GARNL3: variants seen among roughly 807,000 people sequenced by gnomAD.
The protein encoded by GARNL3 is GTPase-activating Rap/Ran-GAP domain-like protein 3.
A neutral mutation model predicts 125.0 loss-of-function variants in GARNL3; 63 were observed. The observed-to-expected ratio is 0.50, with a 90% CI of 0.41 to 0.62. The LOEUF (loss-of-function observed/expected upper bound fraction) is 0.62. Ranked by LOEUF, GARNL3 falls within the 20% of genes least tolerant of loss-of-function variation. The pLI, the probability that GARNL3 is intolerant of heterozygous loss-of-function variation, is 0.00. For missense variants in GARNL3, 994 were observed against 1,244.0 expected, an observed-to-expected ratio of 0.80 and a Z score of 3.02; for synonymous variants, 439 against 457.5, an observed-to-expected ratio of 0.96 and a Z score of 0.52.
chr9:127,225,649 G>A (rs1176180457), intron 1 of GARNL3, among the ~76,000 whole-genome samples: 1 of 151,940 alleles, frequency 6.6e-6, no homozygotes, highest in African/African-American at 2.4e-5. Flanking sequence ...CCGCACGCCC[G>A]CGGCTTCGGC....
chr9:127,391,533 A>AAAAAAAAAAAAAAAAAAAAAT, intron 27 of GARNL3, among the ~76,000 whole-genome samples: 2 of 75,870 alleles, frequency 2.6e-5, no homozygotes, highest in African/African-American at 7.8e-5. Flanking sequence ...ACAAAAAAAA[A>AAAAAAAAAAAAAAAAAAAAAT]ATATATATAT....
At chr9:127,354,179 C>T (rs1830559455) in intron 18 of GARNL3, 115 bp from the exon 19 acceptor site, 1 of 784,418 alleles carries the variant, frequency 1.3e-6, no homozygotes, top group Non-Finnish European at 2.1e-6. Context: ...GGGGTGCCTC[C>T]TGAATTCCAG....
At chr9:127,334,937 C>A (rs1295469165) in intron 9 of GARNL3, among the ~76,000 whole-genome samples, 2 of 152,224 alleles carry the variant, frequency 1.3e-5, no homozygotes, top group Non-Finnish European at 2.9e-5. Flanking sequence ...CCTCCCACAG[C>A]AACTGCAAGG....
intron 1 of GARNL3, among the ~76,000 whole-genome samples, chr9:127,238,766 G>T (rs1362773751): frequency 7.2e-6 from 1 of 138,490 alleles, no homozygotes; most frequent in Non-Finnish European, 1.5e-5. Flanking sequence ...TCTGCTCCCT[G>T]TGGAAACCTG....
rs1361504797 is a variant in GARNL3, at chr9:127,354,308, C to T, written c.1657C>T (p.Leu553Phe). 1 of 1,612,984 alleles carries T rather than the reference C, an allele frequency of 6.2e-7. No homozygotes were observed. Among genetic ancestry groups the T allele is most frequent in the Admixed American group, 1.7e-5 (1 of 59,958 alleles). Residue 553 changes from leucine to phenylalanine, a missense_variant, in exon 19 of 28, where the codon CTC (leucine) becomes TTC (phenylalanine). Physicochemically the swap from Leu to Phe is conservative, Grantham distance 22. Coordinates refer to ENST00000373387, the MANE Select transcript of GARNL3 (RefSeq NM_032293.5). ...TATGTCACCAGGAAAAGATGCTCGCCTCTTTGTCTTCAGGCTAAGTGCTCT... is the reference window on the plus strand; with the variant it reads ...TATGTCACCAGGAAAAGATGCTCGCTTCTTTGTCTTCAGGCTAAGTGCTCT... Reference protein sequence around the residue: ...LRADKGKDARLFVFRLSALQK... With the variant: ...LRADKGKDARFFVFRLSALQK...
At chr9:127,227,627 C>T (rs544087290) in intron 1 of GARNL3, among the ~76,000 whole-genome samples, 5 of 149,636 alleles carry the variant, frequency 3.3e-5, no homozygotes, top group African/African-American at 1.2e-4. Context: ...AAAAAAAAAA[C>T]CTAATTTGTG....
intron 3 of GARNL3, among the ~76,000 whole-genome samples, chr9:127,313,157 A>C (rs925313954): frequency 3.3e-5 from 5 of 152,150 alleles, no homozygotes; most frequent in Non-Finnish European, 5.9e-5. Flanking sequence ...AGGAAGAAGA[A>C]GACGGTATTT....
At chr9:127,282,387 C>T (rs2064128467) in intron 1 of GARNL3, among the ~76,000 whole-genome samples, 1 of 152,162 alleles carries the variant, frequency 6.6e-6, no homozygotes, top group South Asian at 2.1e-4. Context: ...TGTCCAGGTA[C>T]TATTCTAGGC....
intron 2 of GARNL3, among the ~76,000 whole-genome samples, chr9:127,250,369 G>A (rs2063379480): frequency 6.6e-6 from 1 of 152,202 alleles, no homozygotes; most frequent in African/African-American, 2.4e-5. Context: ...AAAGCAACAT[G>A]GTGGTGGGAG....
intron 2 of GARNL3, among the ~76,000 whole-genome samples, chr9:127,250,200 A>G (rs1202087183): frequency 6.6e-6 from 1 of 152,196 alleles, no homozygotes; most frequent in East Asian, 1.9e-4. Flanking sequence ...AAGAAAAAAT[A>G]AAGGTTGCCT....
At chr9:127,363,119 C>G (rs1564180678) in intron 21 of GARNL3, 1 of 152,426 alleles carries the variant, frequency 6.6e-6, no homozygotes. Flanking sequence ...GGGAGGGGAG[C>G]CACAGGGAAC....
chr9:127,374,638 A>G (rs1001280254), intron 22 of GARNL3, among the ~76,000 whole-genome samples: 1 of 152,170 alleles, frequency 6.6e-6, no homozygotes, highest in African/African-American at 2.4e-5. Flanking sequence ...AATATAAAGA[A>G]CTCTCAATGA....
At chr9:127,295,441 A>T (rs1012063889) in intron 2 of GARNL3, among the ~76,000 whole-genome samples, 1 of 152,130 alleles carries the variant, frequency 6.6e-6, no homozygotes, top group Non-Finnish European at 1.5e-5. Flanking sequence ...CCTCCTTTAT[A>T]GGACTTTTTT....
intron 21 of GARNL3, among the ~76,000 whole-genome samples, chr9:127,358,500 A>G (rs1268692664): frequency 1.3e-5 from 2 of 152,156 alleles, no homozygotes; most frequent in Admixed American, 1.3e-4. Flanking sequence ...TATGCTTTAC[A>G]ACTTGTATTA....
intron 5 of GARNL3, among the ~76,000 whole-genome samples, chr9:127,320,305 A>G (rs899129562): frequency 5.3e-5 from 8 of 152,242 alleles, no homozygotes. Flanking sequence ...TTTTACCTCT[A>G]TAGGAACTTA....
At chr9:127,303,220 A>G (rs942987112) in intron 2 of GARNL3, among the ~76,000 whole-genome samples, 1 of 152,218 alleles carries the variant, frequency 6.6e-6, no homozygotes, top group African/African-American at 2.4e-5. Flanking sequence ...TTTCAGTGTA[A>G]TATCTATACT....
At chr9:127,383,954 A>T (rs1240960191) in intron 23 of GARNL3, among the ~76,000 whole-genome samples, 1 of 152,244 alleles carries the variant, frequency 6.6e-6, no homozygotes, top group Non-Finnish European at 1.5e-5. Context: ...TATGTTTCAT[A>T]GAAATTCAGG....
intron 21 of GARNL3, among the ~76,000 whole-genome samples, chr9:127,357,725 C>G (rs1369891602): frequency 6.6e-6 from 1 of 151,812 alleles, no homozygotes. Context: ...ATTGCCTGAG[C>G]CCAGGAGTTC....
In GARNL3 at chr9:127,385,034, T is replaced by C. The variant is rs35761818; in HGVS notation, c.2277T>C (p.Ala759=). 4.5e-5 allele frequency: 72 copies of C among 1,607,024 alleles called. No individual in the cohort carries two copies. The African/African-American group carries it at 9.2e-4, about 21-fold the overall frequency. The part of the protein sequence containing the change: ...WNQAPYAIVC[A]FPYLLAFTTD... ...ACTCCCGTTCCCTTGCAGTCTGTGC[T>C]TTCCCGTATCTCCTGGCCTTCACCA... Residue 759 remains alanine, a synonymous_variant, in exon 24 of 28, where the codon GCT becomes GCC. Coordinates refer to ENST00000373387, the MANE Select transcript of GARNL3 (RefSeq NM_032293.5). The surrounding 1 kb of genome is among the most constrained non-coding windows in gnomAD (Gnocchi z 4.1).
Sources: allele counts gnomAD v4.1 joint callset (sites outside exome capture counted in the v4.1 genomes callset), GRCh38; gene constraint gnomAD v4.1.1; non-coding constraint Gnocchi (gnomAD v3.1); transcripts MANE v1.5; gene names NCBI Gene and HGNC (gene_info 2026-07-23, HGNC 2026-07-21).